Variants in TESMIN observed in about 807,000 individuals in gnomAD.
TESMIN encodes testis expressed metallothionein like protein.
A neutral mutation model predicts 47.4 loss-of-function variants in TESMIN; 34 were observed. The observed-to-expected ratio is 0.72, with a 90% CI of 0.55 to 0.96. TESMIN has a LOEUF of 0.96. Ranked by LOEUF, TESMIN falls within the 40% of genes least tolerant of loss-of-function variation. TESMIN has a pLI of 0.00. For synonymous variants in TESMIN, 278 were observed against 258.9 expected (o/e 1.07, Z -0.71); for missense variants, 610 against 637.2 (o/e 0.96, Z 0.46).
chr11:68,720,086 T>C (rs982649063), intron 6 of TESMIN, among the ~76,000 whole-genome samples: 2 of 152,128 alleles, frequency 1.3e-5, no homozygotes, highest in Non-Finnish European at 2.9e-5. Flanking sequence ...TTGTTAGAAA[T>C]AATGGGAAAC....
rs1437970257 is a variant in TESMIN at position 68,739,410 on chromosome 11, A to G, written c.829-622T>C. On this transcript the variant is annotated intron_variant, in intron 5 of 9. Transcript: ENST00000255087. The stretch of plus-strand genomic sequence containing the variant: ...GCCATCACTGGCCTACTTCTCTTCT[A>G]CTCAGTAGCTTGAAGAAATTAACAG... 3.3e-5 allele frequency among the ~76,000 whole-genome samples: 5 copies of G among 152,302 alleles called. No individual in the cohort carries two copies. In the East Asian group the frequency reaches 9.6e-4, roughly 29 times the overall value.
intron 6 of TESMIN, among the ~76,000 whole-genome samples, chr11:68,719,165 G>A (rs935810975): frequency 6.6e-6 from 1 of 152,214 alleles, no homozygotes; most frequent in African/African-American, 2.4e-5. Flanking sequence ...GGCAGCTCAG[G>A]AAAAGCCTTC....
intron 3 of TESMIN, among the ~76,000 whole-genome samples, chr11:68,746,503 GC>G (rs1246384555): frequency 1.3e-5 from 2 of 152,156 alleles, no homozygotes; most frequent in African/African-American, 4.8e-5. Context: ...TACAGCAAGG[GC>G]CTCATTTCTA....
chr11:68,715,203 T>G (rs1187512153), intron 7 of TESMIN, among the ~76,000 whole-genome samples: 2 of 152,168 alleles, frequency 1.3e-5, no homozygotes, highest in African/African-American at 4.8e-5. Flanking sequence ...CTCCCTGGAG[T>G]AGGTTGACAG....
intron 6 of TESMIN, chr11:68,737,438 A>G: frequency 1.0e-6 from 1 of 985,590 alleles, no homozygotes; most frequent in Non-Finnish European, 1.2e-6. Flanking sequence ...TTCCAGATTC[A>G]CGGCCTTTCA....
At chr11:68,736,801 G>T (rs1946391993) in intron 6 of TESMIN, 1 of 974,784 alleles carries the variant, frequency 1.0e-6, no homozygotes, top group East Asian at 1.1e-4. Context: ...AAGAGGAGGA[G>T]GAGGGGACGA....
intron 3 of TESMIN, among the ~76,000 whole-genome samples, chr11:68,746,664 C>T (rs537224558): frequency 3.3e-5 from 5 of 152,184 alleles, no homozygotes; most frequent in African/African-American, 9.6e-5. Flanking sequence ...TTATGAAGAC[C>T]AATGTAGATG....
intron 9 of TESMIN, among the ~76,000 whole-genome samples, chr11:68,709,142 A>C (rs930879126): frequency 6.6e-6 from 1 of 152,082 alleles, no homozygotes; most frequent in African/African-American, 2.4e-5. Context: ...GGACAAGTAA[A>C]TCTGTCCGTT....
intron 6 of TESMIN, among the ~76,000 whole-genome samples, chr11:68,735,904 C>A (rs1172377248): frequency 1.3e-5 from 2 of 152,374 alleles, no homozygotes; most frequent in East Asian, 3.9e-4. Flanking sequence ...AGTAAAGACA[C>A]CCATCAGGAA....
intron 6 of TESMIN, among the ~76,000 whole-genome samples, chr11:68,717,875 ATC>A (rs562121563): frequency 4.6e-5 from 7 of 152,180 alleles, no homozygotes; most frequent in Non-Finnish European, 1.0e-4. Flanking sequence ...TAATGAACAA[ATC>A]CAAGAAAAGT....
At chr11:68,718,290 A>G (rs1364330021) in intron 6 of TESMIN, among the ~76,000 whole-genome samples, 1 of 152,212 alleles carries the variant, frequency 6.6e-6, no homozygotes, top group Non-Finnish European at 1.5e-5. Flanking sequence ...CGGACCATGC[A>G]TGGAAAAGAA....
intron 6 of TESMIN, among the ~76,000 whole-genome samples, chr11:68,733,905 AAC>A (rs1256970894): frequency 1.3e-5 from 2 of 152,158 alleles, no homozygotes; most frequent in Non-Finnish European, 2.9e-5. Flanking sequence ...AGCACCACCA[AAC>A]ACAGCCACAC....
At chr11:68,730,110 C>T (rs1284609544) in intron 6 of TESMIN, among the ~76,000 whole-genome samples, 1 of 152,190 alleles carries the variant, frequency 6.6e-6, no homozygotes, top group Non-Finnish European at 1.5e-5. Context: ...GTTAGCATTT[C>T]CTAGAAACAG....
chr11:68,738,460 A>T, intron 6 of TESMIN: 1 of 1,309,106 alleles, frequency 7.6e-7, no homozygotes, highest in South Asian at 1.7e-5. Context: ...GACAGCGGAC[A>T]GGAGGACAGG....
chr11:68,742,655 A>C lies in TESMIN; in HGVS notation c.752-261T>G, dbSNP rs1394255799. Among the ~76,000 whole-genome samples the C allele has an allele frequency of 2.0e-5, 3 of 152,104 alleles. No homozygotes were observed. The East Asian group carries it at 5.8e-4, about 29-fold the overall frequency. On this transcript the variant is annotated intron_variant, in intron 4 of 9. Coordinates refer to ENST00000255087, the MANE Select transcript of TESMIN (RefSeq NM_004923.3). ...TTCCAGGGTTGCTCTACTAGGCTAAAACAATGTTGTTAGTGCTCTGGTTCC... is the reference window on the plus strand; with the variant it reads ...TTCCAGGGTTGCTCTACTAGGCTAACACAATGTTGTTAGTGCTCTGGTTCC...
chr11:68,719,860 A>G (rs1946184828), intron 6 of TESMIN, among the ~76,000 whole-genome samples: 1 of 152,240 alleles, frequency 6.6e-6, no homozygotes, highest in African/African-American at 2.4e-5. Flanking sequence ...TCTGGTGAGC[A>G]TTACGGAAGG....
intron 5 of TESMIN, among the ~76,000 whole-genome samples, chr11:68,740,276 T>C (rs1399652091): frequency 6.6e-6 from 1 of 152,164 alleles, no homozygotes; most frequent in Non-Finnish European, 1.5e-5. Context: ...CTTTGGGTGG[T>C]AACACTCCAA....
chr11:68,707,797 C>A lies in TESMIN; in HGVS notation c.*511G>T, dbSNP rs983128971. The stretch of plus-strand genomic sequence containing the variant: ...ACGCTACAGAAAATCTTTAGGTGTT[C>A]AGTAGTTCTCTAGAGATTTTAAGTG... On this transcript the variant is annotated 3_prime_UTR_variant, in exon 10 of 10. Coordinates refer to ENST00000255087, the MANE Select transcript of TESMIN (RefSeq NM_004923.3). The A allele has an allele frequency of 6.6e-6, 3 of 455,728 alleles. 1 individual carries two copies. The highest frequency in any genetic ancestry group is 6.5e-4 in the Middle Eastern group (2 of 3,092). 28.2% of individuals were successfully genotyped at this position (455,728 alleles called of 1,614,324 possible). A position where few individuals can be genotyped will look rare whatever the true frequency, so the allele number is the denominator to read the frequency against.
chr11:68,709,837 C>A (rs541148926), intron 9 of TESMIN, among the ~76,000 whole-genome samples: 1 of 152,268 alleles, frequency 6.6e-6, no homozygotes, highest in African/African-American at 2.4e-5. Context: ...ACTTCACAGA[C>A]AATGCAGCCA....
Sources: allele counts gnomAD v4.1 joint callset (sites outside exome capture counted in the v4.1 genomes callset), GRCh38; gene constraint gnomAD v4.1.1; transcripts MANE v1.5; gene names NCBI Gene and HGNC (gene_info 2026-07-23, HGNC 2026-07-21).